The following RNF150 variants were observed in gnomAD, a reference collection of about 807,000 sequenced individuals.
RNF150 encodes the protein ring finger protein 150.
A neutral mutation model predicts 39.3 loss-of-function variants in RNF150; 24 were observed. The ratio of observed to expected loss-of-function variants is 0.61; its 90% CI spans 0.44 to 0.86. RNF150 has a LOEUF of 0.86. RNF150 is among the 40% of genes least tolerant of loss of function. RNF150 has a pLI of 0.00. For synonymous variants in RNF150, 255 were observed against 227.3 expected, an observed-to-expected ratio of 1.12 and a Z score of -1.10; for missense variants, 502 against 587.8, an observed-to-expected ratio of 0.85 and a Z score of 1.51.
intron 1 of RNF150, among the ~76,000 whole-genome samples, chr4:141,083,779 A>G (rs993187843): frequency 5.3e-5 from 8 of 152,196 alleles, no homozygotes; most frequent in African/African-American, 1.9e-4. Flanking sequence ...ACGTGGTTCA[A>G]ATCCCTCACA....
intron 5 of RNF150, among the ~76,000 whole-genome samples, chr4:140,921,768 CTAAG>C (rs1359017493): frequency 1.3e-5 from 2 of 152,164 alleles, no homozygotes; most frequent in African/African-American, 4.8e-5. Context: ...AGCTTATCCA[CTAAG>C]ATCAAGTGGG....
intron 2 of RNF150, among the ~76,000 whole-genome samples, chr4:140,957,087 G>A (rs1423982154): frequency 6.7e-6 from 1 of 149,260 alleles, no homozygotes; most frequent in Non-Finnish European, 1.5e-5. Flanking sequence ...CTTCTGCACA[G>A]CAAAAGAAAC....
chr4:141,162,310 T>C (rs1988067), intron 1 of RNF150, among the ~76,000 whole-genome samples: 142,123 of 152,210 alleles, frequency 0.93, 67,097 homozygotes, highest in Non-Finnish European at 1. Flanking sequence ...GCATGAGGCC[T>C]GTAACCACTT....
chr4:141,002,195 A>C (rs73860211), intron 1 of RNF150, among the ~76,000 whole-genome samples: 11,535 of 152,236 alleles, frequency 0.076, 485 homozygotes, highest in Middle Eastern at 0.16. Context: ...GCATTAATTA[A>C]AGAGTTACAA....
chr4:141,072,347 T>C (rs565581254), intron 1 of RNF150, among the ~76,000 whole-genome samples: 1 of 152,344 alleles, frequency 6.6e-6, no homozygotes, highest in Admixed American at 6.5e-5. Context: ...CTGAAGTTCT[T>C]TGCAGAGTTA....
intron 1 of RNF150, among the ~76,000 whole-genome samples, chr4:141,112,633 T>C (rs1414145742): frequency 6.6e-6 from 1 of 152,104 alleles, no homozygotes; most frequent in African/African-American, 2.4e-5. Flanking sequence ...GGTAACCCAA[T>C]CTTCTCTCTG....
At chr4:141,190,157 C>T (rs144191787) in intron 1 of RNF150, among the ~76,000 whole-genome samples, 1 of 152,096 alleles carries the variant, frequency 6.6e-6, no homozygotes, top group Non-Finnish European at 1.5e-5. Flanking sequence ...GGGGCTGTAC[C>T]CACTTCTAGC....
At chr4:141,162,441 C>G (rs937483288) in intron 1 of RNF150, among the ~76,000 whole-genome samples, 1 of 152,130 alleles carries the variant, frequency 6.6e-6, no homozygotes, top group Non-Finnish European at 1.5e-5. Flanking sequence ...AAGAGGCTAG[C>G]CTTATCTCAG....
Position 140,926,022 on chromosome 4 carries a change from G to A in RNF150, c.942C>T (p.Thr314=). 1.2e-6 allele frequency: 2 copies of A among 1,614,090 alleles called. No homozygotes were observed. Among genetic ancestry groups the A allele is most frequent in the East Asian group, 2.2e-5 (1 of 44,886 alleles). The change falls in exon 5 of 7, where the codon ACC becomes ACT. Residue 314 remains threonine (T), a synonymous_variant. Coordinates refer to ENST00000515673, the MANE Select transcript of RNF150 (RefSeq NM_020724.2). ...GAATGTTCATCTTGCACATGGGACA[G>A]GTACGATGGTCTAGAAGCCAGGGGT... is the stretch of plus-strand genomic sequence containing the variant. ...CVDPWLLDHR[T]CPMCKMNILK...
intron 1 of RNF150, among the ~76,000 whole-genome samples, chr4:141,028,332 T>C (rs1334080204): frequency 1.3e-5 from 2 of 152,200 alleles, no homozygotes; most frequent in African/African-American, 4.8e-5. Context: ...CTTAGCCAGC[T>C]TTTTCATATG....
intron 4 of RNF150, among the ~76,000 whole-genome samples, chr4:140,943,706 T>C (rs1732176877): frequency 6.6e-6 from 1 of 152,214 alleles, no homozygotes; most frequent in African/African-American, 2.4e-5. Context: ...GCTGGGACTT[T>C]CCACTATTCC....
exon 1 of RNF150, chr4:141,133,464 CTGTATGTTTGTGTGTGTGTGTGTGTG>C (rs1220532214): frequency 6.4e-6 from 1 of 156,532 alleles, no homozygotes; most frequent in Admixed American, 6.7e-5. Flanking sequence ...GTGTGTGTGT[CTGTATGTTTGTGTGTGTGTGTGTGTG>C]TGTGTATAAT....
intron 6 of RNF150, among the ~76,000 whole-genome samples, chr4:140,875,640 C>T (rs375732750): frequency 1.1e-4 from 17 of 152,204 alleles, no homozygotes; most frequent in African/African-American, 3.6e-4. Context: ...GGCTAAGAAC[C>T]GTTCACTTAA....
chr4:141,163,415 A>G (rs116613882), intron 1 of RNF150, among the ~76,000 whole-genome samples: 1 of 152,318 alleles, frequency 6.6e-6, no homozygotes, highest in African/African-American at 2.4e-5. Context: ...CTGCACTGAA[A>G]AGAGCAGTGG....
chr4:140,881,251 C>T (rs895426412), intron 6 of RNF150, among the ~76,000 whole-genome samples: 45 of 152,058 alleles, frequency 3.0e-4, no homozygotes, highest in Admixed American at 3.3e-4. Context: ...CAGCCTCCAC[C>T]TCCTGGGCTC....
chr4:140,984,101 G>A (rs890690490), intron 1 of RNF150, among the ~76,000 whole-genome samples: 5 of 152,140 alleles, frequency 3.3e-5, no homozygotes, highest in Non-Finnish European at 5.9e-5. Flanking sequence ...TCCACTTGCG[G>A]TGTTATGTCC....
chr4:141,138,983 T>C (rs1387606786), intron 1 of RNF150, among the ~76,000 whole-genome samples: 1 of 152,130 alleles, frequency 6.6e-6, no homozygotes, highest in East Asian at 1.9e-4. Context: ...AGCGGGAGGA[T>C]TGCTTGAGGT....
At chr4:141,191,234 G>T (rs1283149192) in intron 1 of RNF150, among the ~76,000 whole-genome samples, 1 of 152,196 alleles carries the variant, frequency 6.6e-6, no homozygotes, top group Non-Finnish European at 1.5e-5. Context: ...GATGATCTGT[G>T]CCTGGTGTAG....
At chr4:140,936,659 A>C (rs1401704596) in intron 4 of RNF150, among the ~76,000 whole-genome samples, 1 of 152,144 alleles carries the variant, frequency 6.6e-6, no homozygotes. Context: ...AAAGCATTAT[A>C]AAAAATAAAA....
Sources: allele counts gnomAD v4.1 joint callset (sites outside exome capture counted in the v4.1 genomes callset), GRCh38; gene constraint gnomAD v4.1.1; transcripts MANE v1.5; gene names NCBI Gene and HGNC (gene_info 2026-07-23, HGNC 2026-07-21).